The following PLA2G4A variants were observed in gnomAD, a reference collection of about 807,000 sequenced individuals.
PLA2G4A encodes phospholipase A2 group IVA.
PLA2G4A carries 40 observed loss-of-function variants against 81.9 expected under a neutral mutation model. That is an observed-to-expected ratio of 0.49 (90% CI 0.38 to 0.64). The LOEUF (loss-of-function observed/expected upper bound fraction) is 0.64. Ranked by LOEUF, PLA2G4A falls within the 30% of genes least tolerant of loss-of-function variation. PLA2G4A has a pLI of 0.00. For synonymous variants in PLA2G4A, 302 were observed against 296.9 expected, an observed-to-expected ratio of 1.02 and a Z score of -0.18; for missense variants, 715 against 905.1, an observed-to-expected ratio of 0.79 and a Z score of 2.69.
chr1:186,843,463 A>G (rs1020876061), intron 1 of PLA2G4A, among the ~76,000 whole-genome samples: 2 of 152,242 alleles, frequency 1.3e-5, no homozygotes, highest in African/African-American at 4.8e-5. Flanking sequence ...TAATTGAATT[A>G]TCACTCCGGG....
chr1:186,844,788 A>AT (rs1652112904), intron 1 of PLA2G4A, among the ~76,000 whole-genome samples: 1 of 152,078 alleles, frequency 6.6e-6, no homozygotes, highest in African/African-American at 2.4e-5. Flanking sequence ...AAGTATAATA[A>AT]AAAAAATTTA....
chr1:186,946,870 T>A lies in PLA2G4A; in HGVS notation c.1173T>A (p.Gly391=). The A allele has an allele frequency of 6.2e-7, 1 of 1,610,300 alleles. No individual in the cohort carries two copies. Among genetic ancestry groups the A allele is most frequent in the African/African-American group, 1.3e-5 (1 of 74,938 alleles). ...TTTTCTGTTTCTGTTTTATTTTAGG[T>A]GTCTGGGGCAGTGCCTTTTCCATAT... ...YEENPLHFLM[G]VWGSAFSILF... The change falls in exon 12 of 18, where the codon GGT becomes GGA. Residue 391 remains glycine, a splice_region_variant and synonymous_variant. Coordinates refer to ENST00000367466, the MANE Select transcript of PLA2G4A (RefSeq NM_024420.3).
chr1:186,928,581 A>G (rs1240698589), intron 7 of PLA2G4A, among the ~76,000 whole-genome samples: 1 of 152,178 alleles, frequency 6.6e-6, no homozygotes, highest in Non-Finnish European at 1.5e-5. Context: ...GTGTAAGACA[A>G]TTCATTATAA....
chr1:186,896,357 C>G (rs1041040245), intron 5 of PLA2G4A, among the ~76,000 whole-genome samples: 2 of 152,148 alleles, frequency 1.3e-5, no homozygotes, highest in African/African-American at 4.8e-5. Flanking sequence ...TGCTGAAGGC[C>G]AGAGTCTTGA....
chr1:186,864,666 T>TATTATTATC (rs1265559761), intron 2 of PLA2G4A, among the ~76,000 whole-genome samples: 1 of 150,986 alleles, frequency 6.6e-6, no homozygotes, highest in African/African-American at 2.4e-5. Context: ...TTATTATTAT[T>TATTATTATC]ATTATTTTGT....
At chr1:186,947,126 T>A (rs1656374502) in intron 12 of PLA2G4A, among the ~76,000 whole-genome samples, 165 bp downstream of exon 12, 1 of 152,128 alleles carries the variant, frequency 6.6e-6, no homozygotes, top group South Asian at 2.1e-4. Context: ...AATATGTTAC[T>A]TCTTAAGTAT....
chr1:186,948,483 C>A (rs1400504173), intron 12 of PLA2G4A, among the ~76,000 whole-genome samples: 4 of 145,582 alleles, frequency 2.7e-5, no homozygotes, highest in Non-Finnish European at 4.5e-5. Context: ...GTGGAAATAA[C>A]AAACCCTTTC....
chr1:186,872,694 T>C (rs1333682886), intron 3 of PLA2G4A, among the ~76,000 whole-genome samples: 3 of 152,052 alleles, frequency 2.0e-5, no homozygotes, highest in African/African-American at 7.2e-5. Flanking sequence ...TGGTTATTTA[T>C]TATAATTAGA....
intron 7 of PLA2G4A, among the ~76,000 whole-genome samples, chr1:186,920,715 A>AC (rs1395179418): frequency 7.2e-5 from 11 of 152,186 alleles, no homozygotes; most frequent in Admixed American, 7.2e-4. Context: ...TCTTCCCAGA[A>AC]CCCCCCTTTT....
chr1:186,950,065 T>G (rs1571433824), intron 12 of PLA2G4A, among the ~76,000 whole-genome samples: 1 of 152,226 alleles, frequency 6.6e-6, no homozygotes, highest in Admixed American at 6.5e-5. Context: ...ATGCTAGAAT[T>G]TACTGCTGTC....
At chr1:186,870,854 T>C in intron 3 of PLA2G4A, 5 of 635,072 alleles carry the variant, frequency 7.9e-6, no homozygotes, top group East Asian at 3.9e-5. Flanking sequence ...AATGTGGTTA[T>C]GTTTGTCTGG....
At chr1:186,927,862 AT>A (rs776691764) in intron 7 of PLA2G4A, among the ~76,000 whole-genome samples, 9 of 152,242 alleles carry the variant, frequency 5.9e-5, no homozygotes, top group East Asian at 3.9e-4. Flanking sequence ...TTCCATTCCT[AT>A]GTTTCTGTTG....
chr1:186,946,686 T>C lies in PLA2G4A; in HGVS notation c.1083T>C (p.Thr361=), dbSNP rs374085425. The change falls in exon 11 of 18, where the codon ACT becomes ACC. Residue 361 remains threonine (T), a synonymous_variant. Transcript: ENST00000367466. ...PYEIGMAKYG[T]FMAPDLFGSK... is the part of the protein sequence containing the mutation. ...AAATTGGCATGGCTAAATATGGTAC[T>C]TTTATGGCTCCCGACTTATTTGGAA... is the stretch of plus-strand genomic sequence containing the variant. 90 of 1,610,594 alleles carry C rather than the reference T, an allele frequency of 5.6e-5. No individual in the cohort carries two copies. The highest frequency in any genetic ancestry group is 1.6e-4 in the Middle Eastern group (1 of 6,064).
intron 17 of PLA2G4A, among the ~76,000 whole-genome samples, chr1:186,987,368 G>C (rs1657923980): frequency 6.6e-6 from 1 of 152,236 alleles, no homozygotes; most frequent in African/African-American, 2.4e-5. Context: ...CTGTGGCAAG[G>C]GGCTGAAAAG....
intron 3 of PLA2G4A, among the ~76,000 whole-genome samples, chr1:186,873,570 A>C (rs1320129290): frequency 2.6e-5 from 4 of 152,082 alleles, no homozygotes; most frequent in Non-Finnish European, 2.9e-5. Context: ...CAAGACAAAT[A>C]AAAAATCAAC....
chr1:186,879,714 A>G (rs1402664357), intron 3 of PLA2G4A, among the ~76,000 whole-genome samples: 4 of 151,852 alleles, frequency 2.6e-5, no homozygotes, highest in African/African-American at 9.7e-5. Context: ...CAAAAATCCT[A>G]AGCAAACTTC....
intron 16 of PLA2G4A, 31 bp from the exon 17 acceptor site, chr1:186,979,284 T>C: frequency 6.4e-7 from 1 of 1,568,098 alleles, no homozygotes; most frequent in South Asian, 1.1e-5. Flanking sequence ...GTTTTCAAAA[T>C]AACACCCTTT....
chr1:186,941,156 G>A (rs993237517), intron 10 of PLA2G4A, among the ~76,000 whole-genome samples: 1 of 151,690 alleles, frequency 6.6e-6, no homozygotes. Context: ...CTTTTGGGGG[G>A]GCCTCTGTCA....
At chr1:186,974,260 T>C (rs72714310) in intron 15 of PLA2G4A, among the ~76,000 whole-genome samples, 3,155 of 152,262 alleles carry the variant, frequency 0.021, 53 homozygotes, top group South Asian at 0.071. Flanking sequence ...CCTTCAAGTC[T>C]TCTTAGTGGT....
Sources: allele counts gnomAD v4.1 joint callset (sites outside exome capture counted in the v4.1 genomes callset), GRCh38; gene constraint gnomAD v4.1.1; transcripts MANE v1.5; gene names NCBI Gene and HGNC (gene_info 2026-07-23, HGNC 2026-07-21).